Variants in HDAC4 observed in about 807,000 individuals in gnomAD.
HDAC4 encodes histone deacetylase A.
In HDAC4, 16 loss-of-function variants were observed where a neutral mutation model predicts 135.1. The ratio of observed to expected loss-of-function variants is 0.12; its 90% confidence interval spans 0.08 to 0.18. The LOEUF is 0.18. Ranked by LOEUF, HDAC4 falls within the 10% of genes least tolerant of loss-of-function variation. HDAC4 has a pLI of 1.00. For missense variants in HDAC4, 1,143 were observed against 1,511.8 expected, an observed-to-expected ratio of 0.76 and a Z score of 4.05; for synonymous variants, 685 against 653.4, an observed-to-expected ratio of 1.05 and a Z score of -0.74.
intron 3 of HDAC4, among the ~76,000 whole-genome samples, chr2:239,213,956 T>C (rs615994): frequency 0.95 from 145,331 of 152,374 alleles, 69,383 homozygotes; most frequent in East Asian, 1. Context: ...GGTAGAGAAA[T>C]CTGCCTAGGT....
chr2:239,345,347 G>A (rs1321054216), intron 2 of HDAC4, among the ~76,000 whole-genome samples: 1 of 152,074 alleles, frequency 6.6e-6, no homozygotes, highest in Non-Finnish European at 1.5e-5. Context: ...CCAGGAGTTG[G>A]AGACCAGCCT....
In HDAC4 at chr2:239,349,089, G is replaced by T. The variant is rs1342198985; in HGVS notation, c.22+3589C>A. 6.6e-6 allele frequency among the ~76,000 whole-genome samples: 1 copy of T among 152,212 alleles called. No individual in the cohort carries two copies. Among genetic ancestry groups the T allele is most frequent in the African/African-American group, 2.4e-5 (1 of 41,464 alleles). On this transcript the variant is annotated intron_variant, in intron 2 of 26. Transcript: ENST00000543185. This position sits in a 1 kb window ranked among gnomAD's most constrained non-coding sequence, Gnocchi z 5.7. ...ACTCCCCCAGCCCGGCCTGCCCAGGGAGTGAGGGCGGCACGGGCACCCACA... is the reference window on the plus strand; with the variant it reads ...ACTCCCCCAGCCCGGCCTGCCCAGGTAGTGAGGGCGGCACGGGCACCCACA...
rs775984430 is a variant in HDAC4 at position 239,176,558 on chromosome 2, T to C, written c.345A>G (p.Gln115=). The change falls in exon 5 of 27, where the codon CAA becomes CAG. Residue 115 remains glutamine, a synonymous_variant. Transcript: ENST00000543185. ...GGTGCTTCATGGCCAGCATCTCCTGTTGTTGCTGCAAGTGGAAGGAGGAGA... is the reference window on the plus strand; with the variant it reads ...GGTGCTTCATGGCCAGCATCTCCTGCTGTTGCTGCAAGTGGAAGGAGGAGA... The part of the protein sequence containing the change: ...EAQLHEHIKQ[Q]QEMLAMKHQQ... The C allele has an allele frequency of 3.1e-6, 5 of 1,612,886 alleles. No homozygotes were observed. The highest frequency in any genetic ancestry group is 2.2e-5 in the East Asian group (1 of 44,830).
chr2:239,117,668 C>T (rs1477203539), intron 12 of HDAC4, among the ~76,000 whole-genome samples: 1 of 151,640 alleles, frequency 6.6e-6, no homozygotes. Flanking sequence ...ACTGACTGAG[C>T]TGCATTCCTC....
rs1327992460 is a variant in HDAC4 at position 239,115,213 on chromosome 2, G to T, written c.1631C>A (p.Pro544His). Reference protein sequence around the residue: ...LREHQALLDEPYLDRLPGQKE... With the variant: ...LREHQALLDEHYLDRLPGQKE... Reference sequence around the variant, plus strand: ...CTGCCCCGGCAGCCGGTCCAGGTAGGGCTCGTCCAGCAGAGCCTGGTGCTC... The same window carrying T: ...CTGCCCCGGCAGCCGGTCCAGGTAGTGCTCGTCCAGCAGAGCCTGGTGCTC... Residue 544 changes from proline (P) to histidine (H), a missense_variant, in exon 13 of 27, where the codon CCC (proline) becomes CAC (histidine). Transcript: ENST00000543185. This position sits in a 1 kb window ranked among gnomAD's most constrained non-coding sequence, Gnocchi z 6.3. The T allele has an allele frequency of 3.1e-6, 5 of 1,612,064 alleles. No homozygotes were observed. In the Admixed American group the frequency reaches 6.7e-5, roughly 21 times the overall value.
In HDAC4 at chr2:239,285,577, G is replaced by A. The variant is rs192978508; in HGVS notation, c.23-48913C>T. Among the ~76,000 whole-genome samples, 517 of 152,258 alleles carry A rather than the reference G, an allele frequency of 3.4e-3. 1 individual carries two copies. The highest frequency in any genetic ancestry group is 5.4e-3 in the Admixed American group (82 of 15,304). On this transcript the variant is annotated intron_variant, in intron 2 of 26. Coordinates refer to ENST00000543185, the MANE Select transcript of HDAC4 (RefSeq NM_001378414.1). The surrounding 1 kb of genome is among the most constrained non-coding windows in gnomAD (Gnocchi z 4.5). ...CTGAGAGAAAGCTGGCCAAAGGTTG[G>A]GCTTTTGAAGTACTAGAAACTTCCT... is the stretch of plus-strand genomic sequence containing the variant.
intron 2 of HDAC4, among the ~76,000 whole-genome samples, chr2:239,288,811 G>A (rs1010452730): frequency 1.3e-5 from 2 of 152,208 alleles, no homozygotes; most frequent in African/African-American, 4.8e-5. Context: ...AAGACCTGAT[G>A]GAGGGAAAGA....
rs538434997 is a variant in HDAC4, at chr2:239,282,115, C to G, written c.23-45451G>C. On this transcript the variant is annotated intron_variant, in intron 2 of 26. Transcript: ENST00000543185. Reference sequence around the variant, plus strand: ...ACAATGAACACCCCACTCTACACACCACTCTACAATGTACACACCATGCTA... The same window carrying G: ...ACAATGAACACCCCACTCTACACACGACTCTACAATGTACACACCATGCTA... Among the ~76,000 whole-genome samples, 8 of 149,190 alleles carry G rather than the reference C, an allele frequency of 5.4e-5. No homozygotes were observed. In the East Asian group the frequency reaches 1.6e-3, roughly 30 times the overall value.
chr2:239,371,163 C>T (rs1202994656), intron 1 of HDAC4, among the ~76,000 whole-genome samples: 2 of 152,232 alleles, frequency 1.3e-5, no homozygotes, highest in African/African-American at 4.8e-5. Context: ...TGTGCAGACA[C>T]CTGTTCTGGC....
At chr2:239,392,882 T>A (rs138312702) in intron 1 of HDAC4, among the ~76,000 whole-genome samples, 35 of 152,308 alleles carry the variant, frequency 2.3e-4, no homozygotes, top group African/African-American at 7.9e-4. Context: ...GGGCTCAGCC[T>A]CAGACCCGGA....
At chr2:239,233,502 C>T (rs1185881852) in intron 3 of HDAC4, among the ~76,000 whole-genome samples, 1 of 151,620 alleles carries the variant, frequency 6.6e-6, no homozygotes, top group Non-Finnish European at 1.5e-5. Flanking sequence ...CTTCTGCTTC[C>T]AAGCATTACA....
In HDAC4 at chr2:239,263,016, C is replaced by T. The variant is rs569406754; in HGVS notation, c.23-26352G>A. Reference sequence around the variant, plus strand: ...AGGGCCCATTATGCCGATGAAGACACGAGAGAATGAAGGATGTGGACACTG... The same window carrying T: ...AGGGCCCATTATGCCGATGAAGACATGAGAGAATGAAGGATGTGGACACTG... On this transcript the variant is annotated intron_variant, in intron 2 of 26. Coordinates refer to ENST00000543185, the MANE Select transcript of HDAC4 (RefSeq NM_001378414.1). Among the ~76,000 whole-genome samples the T allele has an allele frequency of 3.0e-3, 454 of 152,182 alleles. 2 individuals are homozygous for T. Among genetic ancestry groups the T allele is most frequent in the Non-Finnish European group, 3.5e-3 (236 of 68,010 alleles).
chr2:239,063,584 C>T (rs1039576416), intron 24 of HDAC4, among the ~76,000 whole-genome samples: 1 of 152,146 alleles, frequency 6.6e-6, no homozygotes, highest in African/African-American at 2.4e-5. Context: ...TCAGAAGATC[C>T]AGGGGTTTCA....
intron 22 of HDAC4, among the ~76,000 whole-genome samples, chr2:239,076,265 G>A (rs1240575989): frequency 6.6e-6 from 1 of 152,210 alleles, no homozygotes; most frequent in Non-Finnish European, 1.5e-5. Flanking sequence ...GGGACAGCAG[G>A]CAGGGTGCCG....
At chr2:239,251,155 T>A (rs113003155) in intron 2 of HDAC4, among the ~76,000 whole-genome samples, 3 of 152,222 alleles carry the variant, frequency 2.0e-5, no homozygotes, top group African/African-American at 7.2e-5. Flanking sequence ...TCTCCTTAAT[T>A]TTGGTACTAC....
intron 2 of HDAC4, among the ~76,000 whole-genome samples, chr2:239,267,184 G>A (rs1212130650): frequency 6.6e-6 from 1 of 152,154 alleles, no homozygotes; most frequent in Non-Finnish European, 1.5e-5. Flanking sequence ...GAGATGGTGG[G>A]ACCTACCACC....
At chr2:239,079,526 G>A (rs541771429) in intron 22 of HDAC4, among the ~76,000 whole-genome samples, 92 of 152,332 alleles carry the variant, frequency 6.0e-4, no homozygotes, top group African/African-American at 2.0e-3. Context: ...TTTCCAAGGA[G>A]GGCAACGGAC....
At position 239,135,862 on chromosome 2, in the gene HDAC4, T is replaced by G. The variant is rs1285979471; in HGVS notation, c.979-1219A>C. Among the ~76,000 whole-genome samples, 41 of 152,180 alleles carry G rather than the reference T, an allele frequency of 2.7e-4. 1 individual carries two copies. The highest frequency in any genetic ancestry group is 1.5e-5 in the Non-Finnish European group (1 of 68,046). ...GACACTTGTTTATGATACATTAAGTTAGAAAAACAGGTTATAGATCATGTA... is the reference window on the plus strand; with the variant it reads ...GACACTTGTTTATGATACATTAAGTGAGAAAAACAGGTTATAGATCATGTA... On this transcript the variant is annotated intron_variant, in intron 9 of 26. Transcript: ENST00000543185.
At chr2:239,142,037 C>T (rs993247260) in intron 8 of HDAC4, among the ~76,000 whole-genome samples, 2 of 152,146 alleles carry the variant, frequency 1.3e-5, no homozygotes, top group South Asian at 2.1e-4. Context: ...GTGAGGAAGG[C>T]GCAGAACATG....
Sources: allele counts gnomAD v4.1 joint callset (sites outside exome capture counted in the v4.1 genomes callset), GRCh38; gene constraint gnomAD v4.1.1; non-coding constraint Gnocchi (gnomAD v3.1); transcripts MANE v1.5; gene names NCBI Gene and HGNC (gene_info 2026-07-23, HGNC 2026-07-21).